ATG4B: variants seen among roughly 807,000 people sequenced by gnomAD.
The protein encoded by ATG4B is autophagy related 4B cysteine peptidase, also known as cysteine protease ATG4B.
In ATG4B, 29 loss-of-function variants were observed where a neutral mutation model predicts 56.6. The observed-to-expected ratio is 0.51, with a 90% CI of 0.38 to 0.70. The LOEUF (loss-of-function observed/expected upper bound fraction) is 0.70, where lower values mean the gene tolerates loss of function less well. Among genes scored for constraint, ATG4B ranks in the 30% least tolerant of loss-of-function variants. ATG4B has a pLI of 0.00. For missense variants in ATG4B, 461 were observed against 515.5 expected (o/e 0.89, Z 1.02); for synonymous variants, 224 against 206.1 (o/e 1.09, Z -0.74).
chr2:241,637,980 G>T (rs996814084), intron 1 of ATG4B, among the ~76,000 whole-genome samples: 2 of 151,740 alleles, frequency 1.3e-5, no homozygotes, highest in South Asian at 2.1e-4. Context: ...TTCCGGTCCC[G>T]TCCGGAGCGC....
rs993403128 is a variant in ATG4B at position 241,643,518 on chromosome 2, C to A, written c.10+5794C>A. 3.3e-5 allele frequency among the ~76,000 whole-genome samples: 5 copies of A among 149,328 alleles called. No homozygotes were observed. In the South Asian group the frequency reaches 1.1e-3, roughly 32 times the overall value. ...CACGGCACCTGGCCTTACATGTCAT[C>A]TTATTTCAAATTAATATCATTACCT... On this transcript the variant is annotated intron_variant, in intron 1 of 12. Coordinates refer to ENST00000404914, the MANE Select transcript of ATG4B (RefSeq NM_013325.5).
Position 241,671,297 on chromosome 2 carries a change from A to G in ATG4B, c.1015-15A>G. On this transcript the variant is annotated splice_polypyrimidine_tract_variant and intron_variant, in intron 11 of 12. Coordinates refer to ENST00000404914, the MANE Select transcript of ATG4B (RefSeq NM_013325.5). ...TGGGGTGAGGCTGCACCTAACGGCCATGTCTCACTAACAGCTGTCTCTGCT... is the reference window on the plus strand; with the variant it reads ...TGGGGTGAGGCTGCACCTAACGGCCGTGTCTCACTAACAGCTGTCTCTGCT... 6.2e-7 allele frequency: 1 copy of G among 1,608,342 alleles called. No individual in the cohort carries two copies. The highest frequency in any genetic ancestry group is 8.5e-7 in the Non-Finnish European group (1 of 1,176,876).
intron 5 of ATG4B, chr2:241,654,943 A>C (rs2068349331): frequency 1.8e-6 from 1 of 568,900 alleles, no homozygotes; most frequent in South Asian, 2.2e-5. Context: ...CCATCAGTGA[A>C]TCTGAATGCT....
At chr2:241,649,288 C>T (rs2068159284) in intron 1 of ATG4B, among the ~76,000 whole-genome samples, 1 of 152,200 alleles carries the variant, frequency 6.6e-6, no homozygotes, top group South Asian at 2.1e-4. Context: ...ATTTCACGTA[C>T]GAACCTGTGC....
intron 1 of ATG4B, among the ~76,000 whole-genome samples, chr2:241,639,285 G>C (rs761996086): frequency 6.6e-6 from 1 of 152,214 alleles, no homozygotes; most frequent in African/African-American, 2.4e-5. Context: ...ACAAGGGGAA[G>C]GTAGTGGCGC....
rs1053543179 is a variant in ATG4B, at chr2:241,653,363, C to G, written c.185-149C>G. ...ATGTGGCCCTTGGCGTTACTGAGTC[C>G]TAAGAGGTGTGTGTTGCCCCAGGTG... On this transcript the variant is annotated intron_variant, in intron 3 of 12. Transcript: ENST00000404914. 3 of 1,550,198 alleles carry G rather than the reference C, an allele frequency of 1.9e-6. No individual in the cohort carries two copies. In the African/African-American group the frequency reaches 4.1e-5, roughly 21 times the overall value.
intron 1 of ATG4B, among the ~76,000 whole-genome samples, chr2:241,639,306 G>T (rs942381085): frequency 1.3e-5 from 2 of 152,228 alleles, no homozygotes; most frequent in Non-Finnish European, 2.9e-5. Flanking sequence ...CCAAGCAGGG[G>T]TGCTTACAAC....
chr2:241,668,505 G>T lies in ATG4B; in HGVS notation c.812-35G>T. 1.3e-6 allele frequency: 2 copies of T among 1,595,350 alleles called. No individual in the cohort carries two copies. The highest frequency in any genetic ancestry group is 8.5e-7 in the Non-Finnish European group (1 of 1,175,496). On this transcript the variant is annotated intron_variant, in intron 9 of 12. Coordinates refer to ENST00000404914, the MANE Select transcript of ATG4B (RefSeq NM_013325.5). This position sits in a 1 kb window ranked among gnomAD's most constrained non-coding sequence, Gnocchi z 4.2. The stretch of plus-strand genomic sequence containing the variant: ...CTCTGTCCCTTTCCTCTGCCGGCTC[G>T]GCCACCCACCTGCCCACCTGCCTCA...
intron 1 of ATG4B, among the ~76,000 whole-genome samples, chr2:241,647,445 C>A (rs567228658): frequency 1.3e-5 from 2 of 150,568 alleles, no homozygotes; most frequent in Admixed American, 6.6e-5. Context: ...AGTGAAACCC[C>A]GTCTCTACTA....
rs921812261 is a variant in ATG4B at position 241,673,132 on chromosome 2, T to C, written c.*868T>C. 3.2e-4 allele frequency: 60 copies of C among 189,906 alleles called. No homozygotes were observed. Among genetic ancestry groups the C allele is most frequent in the African/African-American group, 1.3e-3 (56 of 43,712 alleles). The allele number at this position is 189,906 out of a possible 1,614,324, so 11.8% of individuals were successfully genotyped here. On this transcript the variant is annotated 3_prime_UTR_variant, in exon 13 of 13. Transcript: ENST00000404914. ...AGCCTTCCCCATGTCCTTGCCTTGCTGAGAATTGCCCTCCCATGCCGCTGA... is the reference window on the plus strand; with the variant it reads ...AGCCTTCCCCATGTCCTTGCCTTGCCGAGAATTGCCCTCCCATGCCGCTGA...
At position 241,668,384 on chromosome 2, in the gene ATG4B, C is replaced by T. The variant is rs2068845963; in HGVS notation, c.812-156C>T. On this transcript the variant is annotated intron_variant, in intron 9 of 12. Transcript: ENST00000404914. This position sits in a 1 kb window ranked among gnomAD's most constrained non-coding sequence, Gnocchi z 4.2. ...GTCGCGGGCGGCCTCCTGTGTGCCC[C>T]TTTCCCTGATGGTCTGGTGCCCTCG... 3 of 1,366,356 alleles carry T rather than the reference C, an allele frequency of 2.2e-6. No individual in the cohort carries two copies. The highest frequency in any genetic ancestry group is 3.0e-6 in the Non-Finnish European group (3 of 987,458). 84.6% of individuals were successfully genotyped at this position (1,366,356 alleles called of 1,614,324 possible).
At chr2:241,664,748 G>C (rs1395042731) in intron 7 of ATG4B, among the ~76,000 whole-genome samples, 1 of 152,050 alleles carries the variant, frequency 6.6e-6, no homozygotes, top group African/African-American at 2.4e-5. Context: ...CAGATCACTT[G>C]AGGTCAGGAG....
At chr2:241,664,308 T>A (rs62190291) in intron 7 of ATG4B, among the ~76,000 whole-genome samples, 2 of 151,918 alleles carry the variant, frequency 1.3e-5, no homozygotes, top group African/African-American at 4.8e-5. Flanking sequence ...GCAGGCAGAT[T>A]GCTTGAGTCC....
chr2:241,655,188 G>A (rs1391885471), intron 5 of ATG4B, 83 bp from the exon 6 acceptor site: 1 of 1,418,676 alleles, frequency 7.0e-7, no homozygotes, highest in Non-Finnish European at 9.7e-7. Flanking sequence ...GCCTTCCTGT[G>A]ACGTGTCTCC....
chr2:241,640,205 G>A (rs1206905019), intron 1 of ATG4B, among the ~76,000 whole-genome samples: 1 of 152,232 alleles, frequency 6.6e-6, no homozygotes, highest in Non-Finnish European at 1.5e-5. Context: ...CTTGACAACT[G>A]TGTTGACATG....
chr2:241,653,267 C>A, intron 3 of ATG4B: 2 of 1,412,288 alleles, frequency 1.4e-6, no homozygotes, highest in Non-Finnish European at 2.0e-6. Flanking sequence ...ATTCCTTTTG[C>A]TCCGTGACTG....
intron 6 of ATG4B, among the ~76,000 whole-genome samples, chr2:241,656,107 C>T (rs534313800): frequency 6.6e-6 from 1 of 152,178 alleles, no homozygotes; most frequent in South Asian, 2.1e-4. Context: ...CTTGAAGCCT[C>T]TCCTTCTGCA....
At position 241,650,639 on chromosome 2, in the gene ATG4B, G is replaced by T. The variant is rs151281688; in HGVS notation, c.11-371G>T. On this transcript the variant is annotated intron_variant, in intron 1 of 12. Coordinates refer to ENST00000404914, the MANE Select transcript of ATG4B (RefSeq NM_013325.5). ...AGTCTAAAGTAAGTGCTTGAATCGG[G>T]TGGGTTTTCATTTTTTTGCTTTCTC... Among the ~76,000 whole-genome samples, 421 of 152,098 alleles carry T rather than the reference G, an allele frequency of 2.8e-3. 9 individuals carry two copies. In the East Asian group the frequency reaches 0.039, roughly 14 times the overall value.
chr2:241,671,036 C>T (rs2068952033), intron 11 of ATG4B, among the ~76,000 whole-genome samples: 1 of 152,262 alleles, frequency 6.6e-6, no homozygotes, highest in South Asian at 2.1e-4. Flanking sequence ...GTGTCCTCAT[C>T]CGTCTCCTGT....
Sources: allele counts gnomAD v4.1 joint callset (sites outside exome capture counted in the v4.1 genomes callset), GRCh38; gene constraint gnomAD v4.1.1; non-coding constraint Gnocchi (gnomAD v3.1); transcripts MANE v1.5; gene names NCBI Gene and HGNC (gene_info 2026-07-23, HGNC 2026-07-21).